The following GNB1 variants were observed in gnomAD, a reference collection of about 807,000 sequenced individuals.
GNB1 encodes the protein G protein subunit beta 1, also known as guanine nucleotide-binding protein G(I)/G(S)/G(T) subunit beta-1.
Under a neutral mutation model 42.9 loss-of-function variants are expected in GNB1, and 2 were observed. The observed-to-expected ratio is 0.05, with a 90% CI of 0.02 to 0.15. The LOEUF is 0.15. Among genes scored for constraint, GNB1 ranks in the 10% least tolerant of loss-of-function variants. GNB1 has a pLI of 1.00. For synonymous variants in GNB1, 183 were observed against 174.7 expected, an observed-to-expected ratio of 1.05 and a Z score of -0.38; for missense variants, 193 against 462.2, an observed-to-expected ratio of 0.42 and a Z score of 5.34.
intron 1 of GNB1, among the ~76,000 whole-genome samples, chr1:1,887,072 T>C (rs888074578): frequency 1.3e-5 from 2 of 152,174 alleles, no homozygotes; most frequent in African/African-American, 2.4e-5. Flanking sequence ...TTACACTAAA[T>C]AGGGGTTTCA....
intron 8 of GNB1, among the ~76,000 whole-genome samples, chr1:1,792,238 G>C (rs1350569008): frequency 4.6e-5 from 7 of 152,262 alleles, no homozygotes; most frequent in Admixed American, 4.6e-4. Context: ...CTTGAATTGT[G>C]ACGTCTGTTA....
At chr1:1,850,812 C>A (rs1647940124) in intron 1 of GNB1, among the ~76,000 whole-genome samples, 3 of 152,062 alleles carry the variant, frequency 2.0e-5, no homozygotes, top group Admixed American at 2.0e-4. Context: ...ATTGAATTAT[C>A]AGATGATATT....
intron 1 of GNB1, among the ~76,000 whole-genome samples, chr1:1,845,509 C>G (rs1243373176): frequency 6.6e-6 from 1 of 151,942 alleles, no homozygotes; most frequent in Non-Finnish European, 1.5e-5. Context: ...GGAGGCGGAG[C>G]TTGCAGTGAG....
intron 1 of GNB1, among the ~76,000 whole-genome samples, chr1:1,844,508 T>C (rs1311662113): frequency 2.0e-5 from 3 of 152,226 alleles, no homozygotes. Flanking sequence ...GCACATATCC[T>C]AGTACTTATA....
chr1:1,787,258 C>A lies in GNB1; in HGVS notation c.*9+64G>T. On this transcript the variant is annotated intron_variant, in intron 11 of 11. Coordinates refer to ENST00000378609, the MANE Select transcript of GNB1 (RefSeq NM_002074.5). This position sits in a 1 kb window ranked among gnomAD's most constrained non-coding sequence, Gnocchi z 4.4. The stretch of plus-strand genomic sequence containing the variant: ...ATCTAGAAACCGTTAATGACAACTT[C>A]AAATGTTCTATGAGAAACACGCACA... The A allele has an allele frequency of 1.2e-6, 1 of 831,500 alleles. No individual in the cohort carries two copies. The highest frequency in any genetic ancestry group is 1.5e-5 in the South Asian group (1 of 66,700). The allele number at this position is 831,500 out of a possible 1,614,324, so 51.5% of individuals were successfully genotyped here. A position where few individuals can be genotyped will look rare whatever the true frequency, so the allele number is the denominator to read the frequency against.
At chr1:1,828,831 C>T (rs1409102972) in intron 2 of GNB1, among the ~76,000 whole-genome samples, 1 of 151,984 alleles carries the variant, frequency 6.6e-6, no homozygotes. Context: ...TGCTTGAATC[C>T]AGCAGTTTGC....
chr1:1,864,687 G>GA (rs150997348), intron 1 of GNB1, among the ~76,000 whole-genome samples: 2,322 of 152,148 alleles, frequency 0.015, 54 homozygotes, highest in African/African-American at 0.053. Flanking sequence ...CCCAGTATAC[G>GA]AAAGACTTTT....
At chr1:1,823,015 G>A (rs2100964646) in intron 3 of GNB1, among the ~76,000 whole-genome samples, 1 of 152,074 alleles carries the variant, frequency 6.6e-6, no homozygotes, top group South Asian at 2.1e-4. Context: ...GGCCGAGGTG[G>A]GCGGATCACG....
At chr1:1,843,590 G>T (rs989448304) in intron 1 of GNB1, among the ~76,000 whole-genome samples, 1 of 152,146 alleles carries the variant, frequency 6.6e-6, no homozygotes, top group Non-Finnish European at 1.5e-5. Context: ...GAGTAAGGAT[G>T]CTAAAAGTGC....
chr1:1,819,125 C>G (rs146495501), intron 3 of GNB1, among the ~76,000 whole-genome samples: 1 of 151,530 alleles, frequency 6.6e-6, no homozygotes, highest in East Asian at 1.9e-4. Flanking sequence ...AGAGAACGTA[C>G]GTTTAGAAAT....
chr1:1,792,878 C>A (rs914374405), intron 8 of GNB1, among the ~76,000 whole-genome samples: 1 of 151,760 alleles, frequency 6.6e-6, no homozygotes, highest in Non-Finnish European at 1.5e-5. Flanking sequence ...CCAGCCTGGC[C>A]AATGTGGTGA....
intron 7 of GNB1, among the ~76,000 whole-genome samples, chr1:1,802,415 A>G (rs1646637618): frequency 6.6e-6 from 1 of 152,088 alleles, no homozygotes; most frequent in South Asian, 2.1e-4. Context: ...CATCTAAATA[A>G]CCTATAAGTC....
At chr1:1,871,794 C>T (rs959205688) in intron 1 of GNB1, among the ~76,000 whole-genome samples, 1 of 152,190 alleles carries the variant, frequency 6.6e-6, no homozygotes, top group African/African-American at 2.4e-5. Flanking sequence ...ACACAGAAAT[C>T]ATCCTGGCCT....
intron 1 of GNB1, among the ~76,000 whole-genome samples, chr1:1,842,913 C>T (rs547121859): frequency 6.6e-6 from 1 of 152,332 alleles, no homozygotes; most frequent in East Asian, 1.9e-4. Context: ...TGAGCATACC[C>T]GAAAAGTGCC....
At chr1:1,865,780 C>T (rs1238002187) in intron 1 of GNB1, among the ~76,000 whole-genome samples, 1 of 152,150 alleles carries the variant, frequency 6.6e-6, no homozygotes. Context: ...GCTTTTAAAA[C>T]TTTTAAATGT....
chr1:1,802,233 A>G (rs890831536), intron 7 of GNB1, among the ~76,000 whole-genome samples: 7 of 152,210 alleles, frequency 4.6e-5, no homozygotes, highest in Non-Finnish European at 1.0e-4. Context: ...ACAAAAACAC[A>G]TATCATTCCC....
chr1:1,787,563 G>A lies in GNB1; in HGVS notation c.917-126C>T. The A allele has an allele frequency of 1.7e-6, 1 of 582,160 alleles. No homozygotes were observed. Among genetic ancestry groups the A allele is most frequent in the Non-Finnish European group, 3.0e-6 (1 of 330,746 alleles). 36.1% of individuals were successfully genotyped at this position (582,160 alleles called of 1,614,324 possible). ...CAAGACCCAGAGTCTCCCACGGCCA[G>A]GAAGGGAGGGAAAGTTGCATCCACG... On this transcript the variant is annotated intron_variant, in intron 10 of 11. Transcript: ENST00000378609. The surrounding 1 kb of genome is among the most constrained non-coding windows in gnomAD (Gnocchi z 4.4).
chr1:1,852,577 C>T (rs978593936), intron 1 of GNB1, among the ~76,000 whole-genome samples: 5 of 151,926 alleles, frequency 3.3e-5, no homozygotes, highest in Admixed American at 2.0e-4. Flanking sequence ...TACCTGTAGT[C>T]CTAGCTACTC....
chr1:1,815,085 C>G (rs1010222942), intron 5 of GNB1, among the ~76,000 whole-genome samples: 1 of 148,476 alleles, frequency 6.7e-6, no homozygotes, highest in African/African-American at 2.5e-5. Context: ...GCACTCCAGG[C>G]TGGGCAACAC....
Sources: allele counts gnomAD v4.1 joint callset (sites outside exome capture counted in the v4.1 genomes callset), GRCh38; gene constraint gnomAD v4.1.1; non-coding constraint Gnocchi (gnomAD v3.1); transcripts MANE v1.5; gene names NCBI Gene and HGNC (gene_info 2026-07-23, HGNC 2026-07-21).